Variants in CSMD2 observed in about 807,000 individuals in gnomAD.
The protein encoded by CSMD2 is CUB and sushi domain-containing protein 2.
A neutral mutation model predicts 398.5 loss-of-function variants in CSMD2; 130 were observed. The observed-to-expected ratio is 0.33, with a 90% CI of 0.28 to 0.38. CSMD2 has a LOEUF of 0.38. Among genes scored for constraint, CSMD2 ranks in the 10% least tolerant of loss-of-function variants. The probability of loss-of-function intolerance (pLI) is 1.00; values close to 1 mark genes in which losing one functional copy is unlikely to be tolerated. For synonymous variants in CSMD2, 1,828 were observed against 1,908.5 expected, an observed-to-expected ratio of 0.96 and a Z score of 1.10; for missense variants, 3,829 against 4,764.9, an observed-to-expected ratio of 0.80 and a Z score of 5.78.
At chr1:34,111,836 C>T (rs1022315216) in intron 1 of CSMD2, among the ~76,000 whole-genome samples, 3 of 152,086 alleles carry the variant, frequency 2.0e-5, no homozygotes, top group Non-Finnish European at 4.4e-5. Flanking sequence ...AGCATGAAGG[C>T]CTAAAAGAGC....
chr1:33,828,997 T>G (rs1659148208), intron 6 of CSMD2, among the ~76,000 whole-genome samples: 1 of 152,228 alleles, frequency 6.6e-6, no homozygotes, highest in African/African-American at 2.4e-5. Flanking sequence ...AGCTCCATAA[T>G]GTACATATGA....
rs149384761 is a variant in CSMD2, at chr1:33,548,377, G to A, written c.8917+1800C>T. Among the ~76,000 whole-genome samples, 36 of 152,298 alleles carry A rather than the reference G, an allele frequency of 2.4e-4. No homozygotes were observed. The East Asian group carries it at 3.1e-3, about 13-fold the overall frequency. On this transcript the variant is annotated intron_variant, in intron 56 of 70. Coordinates refer to ENST00000373381, the MANE Select transcript of CSMD2 (RefSeq NM_001281956.2). ...AGTAGATAGATGGCAACTATTTACC[G>A]AAGAGGCAAAGAGAATGACAGTGGA...
chr1:33,671,016 C>T (rs1644479336), intron 25 of CSMD2, among the ~76,000 whole-genome samples: 1 of 151,994 alleles, frequency 6.6e-6, no homozygotes, highest in East Asian at 1.9e-4. Context: ...AGAATGCAGG[C>T]AGAGAAAATA....
chr1:33,771,372 C>T (rs1651235565), intron 13 of CSMD2, among the ~76,000 whole-genome samples: 1 of 152,066 alleles, frequency 6.6e-6, no homozygotes, highest in Non-Finnish European at 1.5e-5. Flanking sequence ...CTGTTGGGCT[C>T]TATATTCTAA....
chr1:33,619,073 C>T (rs2148864578), intron 37 of CSMD2, among the ~76,000 whole-genome samples: 1 of 152,346 alleles, frequency 6.6e-6, no homozygotes, highest in South Asian at 2.1e-4. Context: ...CAGGTGCAGG[C>T]ACTTCACATG....
At chr1:34,144,677 T>G (rs1442870122) in intron 1 of CSMD2, among the ~76,000 whole-genome samples, 1 of 152,168 alleles carries the variant, frequency 6.6e-6, no homozygotes, top group Non-Finnish European at 1.5e-5. Flanking sequence ...GATCTCTCCA[T>G]GTGACTCCTC....
At chr1:34,129,494 A>T (rs979093496) in intron 1 of CSMD2, among the ~76,000 whole-genome samples, 3 of 151,328 alleles carry the variant, frequency 2.0e-5, no homozygotes, top group African/African-American at 7.3e-5. Context: ...TACTAAAAAT[A>T]AAAAAAAATT....
intron 22 of CSMD2, among the ~76,000 whole-genome samples, chr1:33,706,350 G>A (rs1645777081): frequency 6.6e-6 from 1 of 151,920 alleles, no homozygotes; most frequent in Admixed American, 6.6e-5. Flanking sequence ...TTTTTCTGTG[G>A]TTTACCATCT....
intron 6 of CSMD2, chr1:33,839,962 T>C (rs895933548): frequency 1.3e-5 from 2 of 152,234 alleles, no homozygotes; most frequent in African/African-American, 4.8e-5. Context: ...CAGAGATTTT[T>C]TGAAAATGGT....
chr1:33,675,004 C>T (rs992781485), intron 25 of CSMD2, among the ~76,000 whole-genome samples: 1 of 152,144 alleles, frequency 6.6e-6, no homozygotes, highest in Non-Finnish European at 1.5e-5. Flanking sequence ...CAAGAGAAAG[C>T]AGGAAAGATC....
At chr1:34,123,578 T>C (rs1662428376) in intron 1 of CSMD2, among the ~76,000 whole-genome samples, 1 of 151,430 alleles carries the variant, frequency 6.6e-6, no homozygotes, top group East Asian at 1.9e-4. Context: ...GTTCTGGAGG[T>C]TTGGACATGT....
intron 1 of CSMD2, among the ~76,000 whole-genome samples, chr1:34,091,615 A>C (rs1483617611): frequency 6.6e-6 from 1 of 152,154 alleles, no homozygotes. Flanking sequence ...TTTAATATTA[A>C]GAAATCTCTT....
At chr1:33,810,722 C>T (rs1461924391) in intron 10 of CSMD2, 21 bp downstream of exon 10, 1 of 1,611,316 alleles carries the variant, frequency 6.2e-7, no homozygotes. Context: ...AGAACACCAC[C>T]CCGCTCCCCA....
intron 1 of CSMD2, among the ~76,000 whole-genome samples, chr1:34,101,929 T>C (rs1659985587): frequency 6.6e-6 from 1 of 152,244 alleles, no homozygotes; most frequent in Non-Finnish European, 1.5e-5. Context: ...TAACTCTTTA[T>C]AGAGTCAGAA....
Position 33,935,879 on chromosome 1 carries a change from C to G in CSMD2, c.593G>C (p.Gly198Ala). 6.2e-7 allele frequency: 1 copy of G among 1,614,188 alleles called. No individual in the cohort carries two copies. Among genetic ancestry groups the G allele is most frequent in the Non-Finnish European group, 8.5e-7 (1 of 1,180,012 alleles). ...GTTGCAGCTGTAGCGGACCTTGTCACCGAGGTTGAAGGTTGAACCCTGCTG... is the reference window on the plus strand; with the variant it reads ...GTTGCAGCTGTAGCGGACCTTGTCAGCGAGGTTGAAGGTTGAACCCTGCTG... Reference protein sequence around the residue: ...GIQQGSTFNLGDKVRYSCNLG... With the variant: ...GIQQGSTFNLADKVRYSCNLG... The change falls in exon 4 of 71, where the codon GGT (glycine) becomes GCT (alanine). Residue 198 changes from glycine (G) to alanine (A), a missense_variant. Gly to Ala is a moderately conservative substitution (Grantham distance 60). Around this residue, in one of 5 missense-constraint regions of CSMD2, gnomAD observed 2,001 missense variants for 2,567.1 expected, o/e 0.78. Transcript: ENST00000373381.
At chr1:34,065,205 C>T (rs144987177) in intron 2 of CSMD2, among the ~76,000 whole-genome samples, 1 of 152,294 alleles carries the variant, frequency 6.6e-6, no homozygotes, top group East Asian at 1.9e-4. Context: ...GTCTTACAGA[C>T]AGCTTGAAAC....
chr1:33,985,047 G>T (rs965845611), intron 3 of CSMD2, among the ~76,000 whole-genome samples: 1 of 152,140 alleles, frequency 6.6e-6, no homozygotes, highest in East Asian at 1.9e-4. Flanking sequence ...TGGCGTTAAC[G>T]GTTCCCATTG....
intron 44 of CSMD2, chr1:33,600,372 T>C (rs1047526630): frequency 6.9e-6 from 4 of 582,126 alleles, no homozygotes; most frequent in African/African-American, 3.8e-5. Context: ...TTGGGACTTG[T>C]AGAAGAAAAC....
chr1:33,725,088 G>A lies in CSMD2; in HGVS notation c.2695+261C>T, dbSNP rs548402891. 3.3e-5 allele frequency among the ~76,000 whole-genome samples: 5 copies of A among 152,338 alleles called. No individual in the cohort carries two copies. The South Asian group carries it at 6.2e-4, about 19-fold the overall frequency. ...ATGTTCTGATCCCAGAGTGCCCAGCGTGGCGGCACCCAATCACCTGCCAGG... is the reference window on the plus strand; with the variant it reads ...ATGTTCTGATCCCAGAGTGCCCAGCATGGCGGCACCCAATCACCTGCCAGG... On this transcript the variant is annotated intron_variant, in intron 17 of 70. Coordinates refer to ENST00000373381, the MANE Select transcript of CSMD2 (RefSeq NM_001281956.2).
Sources: allele counts gnomAD v4.1 joint callset (sites outside exome capture counted in the v4.1 genomes callset), GRCh38; gene constraint gnomAD v4.1.1; regional missense constraint gnomAD v4.1.1; transcripts MANE v1.5; gene names NCBI Gene and HGNC (gene_info 2026-07-23, HGNC 2026-07-21).